RBMS3: variants seen among roughly 807,000 people sequenced by gnomAD.
RBMS3 encodes the protein RNA binding motif single stranded interacting protein 3, also known as RNA-binding motif, single-stranded-interacting protein 3.
RBMS3 carries 27 observed loss-of-function variants against 66.8 expected under a neutral mutation model. The ratio of observed to expected loss-of-function variants is 0.40; its 90% confidence interval spans 0.30 to 0.56. The LOEUF (loss-of-function observed/expected upper bound fraction) is 0.56, where lower values mean the gene tolerates loss of function less well. Among genes scored for constraint, RBMS3 ranks in the 20% least tolerant of loss-of-function variants. RBMS3 has a pLI of 0.40. For synonymous variants in RBMS3, 188 were observed against 183.0 expected (o/e 1.03, Z -0.22); for missense variants, 513 against 549.5 (o/e 0.93, Z 0.66).
intron 5 of RBMS3, among the ~76,000 whole-genome samples, chr3:29,749,898 T>C (rs1315691156): frequency 6.6e-6 from 1 of 152,208 alleles, no homozygotes; most frequent in Non-Finnish European, 1.5e-5. Context: ...TGCAAATAAC[T>C]ATATTGCCAT....
chr3:29,656,867 A>C (rs1435552523), intron 4 of RBMS3, among the ~76,000 whole-genome samples: 4 of 152,162 alleles, frequency 2.6e-5, no homozygotes, highest in Admixed American at 2.6e-4. Flanking sequence ...AGATTAACCC[A>C]ATAGCAGTTC....
Position 29,834,826 on chromosome 3 carries a change from C to T in RBMS3, c.638-34032C>T, listed in dbSNP as rs548169828. ...AGGTAACTGAATTAAAATTTCCAATCAAAATATACACAGAGTGGCCAAATG... is the reference window on the plus strand; with the variant it reads ...AGGTAACTGAATTAAAATTTCCAATTAAAATATACACAGAGTGGCCAAATG... On this transcript the variant is annotated intron_variant, in intron 6 of 14. Transcript: ENST00000383767. Among the ~76,000 whole-genome samples, 48 of 151,980 alleles carry T rather than the reference C, an allele frequency of 3.2e-4. 1 individual carries two copies. Among genetic ancestry groups the T allele is most frequent in the Admixed American group, 2.9e-3 (44 of 15,234 alleles).
In RBMS3 at chr3:30,004,151, T is replaced by C. The variant is rs113239559; in HGVS notation, c.*289T>C. 1,079 of 266,248 alleles carry C rather than the reference T, an allele frequency of 4.1e-3. 14 individuals carry two copies. Among genetic ancestry groups the C allele is most frequent in the African/African-American group, 0.022 (1,014 of 45,132 alleles). The allele number at this position is 266,248 out of a possible 1,614,324, so 16.5% of individuals were successfully genotyped here. On this transcript the variant is annotated 3_prime_UTR_variant, in exon 15 of 15. Coordinates refer to ENST00000383767, the MANE Select transcript of RBMS3 (RefSeq NM_001003793.3). ...CAAAAAACAAAACATTGAAGGTTGA[T>C]ATTTTATGTGGAAGAACATTTGAAT...
intron 1 of RBMS3, among the ~76,000 whole-genome samples, chr3:29,325,604 GTA>G (rs148205931): frequency 0.14 from 20,100 of 147,672 alleles, 1,434 homozygotes; most frequent in Middle Eastern, 0.17. Flanking sequence ...ATACGTGTGT[GTA>G]TATATATGTG....
chr3:29,593,493 C>T (rs750265605), intron 4 of RBMS3, among the ~76,000 whole-genome samples: 1 of 151,540 alleles, frequency 6.6e-6, no homozygotes, highest in Non-Finnish European at 1.5e-5. Context: ...GCAGGCGATT[C>T]GAGAGTTGTT....
chr3:29,578,838 A>G (rs1008537392), intron 3 of RBMS3, among the ~76,000 whole-genome samples: 1 of 102,092 alleles, frequency 9.8e-6, no homozygotes, highest in Non-Finnish European at 1.7e-5. Context: ...TCTGTCGCCC[A>G]GGTCGGACTG....
At chr3:29,410,375 GTCT>G (rs1198994181) in intron 1 of RBMS3, among the ~76,000 whole-genome samples, 8 of 152,138 alleles carry the variant, frequency 5.3e-5, no homozygotes, top group Non-Finnish European at 1.2e-4. Flanking sequence ...CTTCTCTCAA[GTCT>G]TGACACACAC....
At chr3:29,945,632 A>T (rs1004477691) in intron 12 of RBMS3, among the ~76,000 whole-genome samples, 2 of 151,770 alleles carry the variant, frequency 1.3e-5, no homozygotes, top group Non-Finnish European at 2.9e-5. Flanking sequence ...ACCAATATTC[A>T]TAAAAATAAA....
intron 6 of RBMS3, among the ~76,000 whole-genome samples, chr3:29,823,889 A>C (rs2058136501): frequency 6.6e-6 from 1 of 152,172 alleles, no homozygotes; most frequent in South Asian, 2.1e-4. Flanking sequence ...ATTTTACCAG[A>C]AAGTTTTCTA....
At chr3:29,707,272 C>T (rs1365581435) in intron 4 of RBMS3, among the ~76,000 whole-genome samples, 4 of 152,152 alleles carry the variant, frequency 2.6e-5, no homozygotes, top group East Asian at 1.9e-4. Context: ...ATGATTATTG[C>T]GAGAAGTGAA....
At chr3:29,685,980 A>G (rs766635008) in intron 4 of RBMS3, among the ~76,000 whole-genome samples, 2 of 152,212 alleles carry the variant, frequency 1.3e-5, no homozygotes, top group Non-Finnish European at 2.9e-5. Context: ...CCCAAATTAA[A>G]GTTGTGTAAC....
At chr3:29,623,426 A>G (rs2048946654) in intron 4 of RBMS3, among the ~76,000 whole-genome samples, 1 of 151,420 alleles carries the variant, frequency 6.6e-6, no homozygotes, top group Non-Finnish European at 1.5e-5. Flanking sequence ...CCCCGTCTCT[A>G]CTAAAAATAC....
At chr3:29,679,225 C>T (rs2051384828) in intron 4 of RBMS3, among the ~76,000 whole-genome samples, 1 of 152,072 alleles carries the variant, frequency 6.6e-6, no homozygotes, top group Non-Finnish European at 1.5e-5. Flanking sequence ...ATTGATTACT[C>T]TTTACTTGTG....
In RBMS3 at chr3:30,005,055, C is replaced by G. The variant is rs1285607647; in HGVS notation, c.*1193C>G. The G allele has an allele frequency of 6.6e-6, 1 of 151,546 alleles. No individual in the cohort carries two copies. The highest frequency in any genetic ancestry group is 6.6e-5 in the Admixed American group (1 of 15,140). 9.4% of individuals were successfully genotyped at this position (151,546 alleles called of 1,614,324 possible). ...ATTTTATACCAAAGATGAAGTGACA[C>G]CCTATTACAGTCCAGAAGATAGAGG... On this transcript the variant is annotated 3_prime_UTR_variant, in exon 15 of 15. Coordinates refer to ENST00000383767, the MANE Select transcript of RBMS3 (RefSeq NM_001003793.3).
chr3:29,670,428 AGT>A (rs2050947269), intron 4 of RBMS3, among the ~76,000 whole-genome samples: 1 of 152,150 alleles, frequency 6.6e-6, no homozygotes, highest in African/African-American at 2.4e-5. Flanking sequence ...CAGCCCACAG[AGT>A]GTGAGCCGAA....
chr3:29,294,063 G>A (rs1439582965), intron 1 of RBMS3, among the ~76,000 whole-genome samples: 1 of 151,688 alleles, frequency 6.6e-6, no homozygotes, highest in African/African-American at 2.4e-5. Flanking sequence ...TGAGAACTGG[G>A]ACCACAGTTT....
intron 1 of RBMS3, among the ~76,000 whole-genome samples, chr3:29,361,684 C>T (rs1262633068): frequency 1.3e-5 from 2 of 152,308 alleles, no homozygotes; most frequent in South Asian, 4.1e-4. Context: ...TTCAGGTACA[C>T]CAATCAGATG....
At chr3:29,859,075 A>G (rs568555243) in intron 6 of RBMS3, among the ~76,000 whole-genome samples, 22 of 152,296 alleles carry the variant, frequency 1.4e-4, no homozygotes, top group African/African-American at 5.1e-4. Context: ...CATTTTTTCA[A>G]CGTATGCTAT....
chr3:29,366,594 A>G (rs982999801), intron 1 of RBMS3, among the ~76,000 whole-genome samples: 28 of 152,090 alleles, frequency 1.8e-4, no homozygotes, highest in African/African-American at 6.5e-4. Context: ...CATGTTGCCA[A>G]GCTGATCTGG....
Sources: allele counts gnomAD v4.1 joint callset (sites outside exome capture counted in the v4.1 genomes callset), GRCh38; gene constraint gnomAD v4.1.1; transcripts MANE v1.5; gene names NCBI Gene and HGNC (gene_info 2026-07-23, HGNC 2026-07-21).